KDM2B: variants seen among roughly 807,000 people sequenced by gnomAD.
The protein encoded by KDM2B is lysine demethylase 2B, also known as lysine-specific demethylase 2B.
Under a neutral mutation model 150.0 loss-of-function variants are expected in KDM2B, and 26 were observed. That is an observed-to-expected ratio of 0.17 (90% CI 0.13 to 0.24). The LOEUF (loss-of-function observed/expected upper bound fraction) is 0.24, where lower values mean the gene tolerates loss of function less well. Among genes scored for constraint, KDM2B ranks in the 10% least tolerant of loss-of-function variants. The pLI is 1.00. For synonymous variants in KDM2B, 734 were observed against 729.5 expected (o/e 1.01, Z -0.10); for missense variants, 1,265 against 1,816.9 (o/e 0.70, Z 5.52).
chr12:121,530,782 T>C (rs1887603048), intron 8 of KDM2B, among the ~76,000 whole-genome samples: 1 of 151,958 alleles, frequency 6.6e-6, no homozygotes. Flanking sequence ...CTTGCTTAAG[T>C]CACCAACATC....
chr12:121,545,939 C>T (rs543625621), intron 6 of KDM2B, among the ~76,000 whole-genome samples: 1 of 152,136 alleles, frequency 6.6e-6, no homozygotes, highest in East Asian at 1.9e-4. Flanking sequence ...GGAAAGCCCT[C>T]CCAGTCTTCT....
At chr12:121,459,153 G>A (rs1200737734) in intron 12 of KDM2B, among the ~76,000 whole-genome samples, 2 of 151,288 alleles carry the variant, frequency 1.3e-5, no homozygotes, top group African/African-American at 2.4e-5. Flanking sequence ...AATAAACAAG[G>A]CTGTGATGGT....
At position 121,468,905 on chromosome 12, in the gene KDM2B, T is replaced by C. The variant is rs1192357578; in HGVS notation, c.1735-15561A>G. On this transcript the variant is annotated intron_variant, in intron 12 of 22. Coordinates refer to ENST00000377071, the MANE Select transcript of KDM2B (RefSeq NM_032590.5). This position sits in a 1 kb window ranked among gnomAD's most constrained non-coding sequence, Gnocchi z 4.0. ...ATCTGTTCTGAGTTTCCTTCCTTAC[T>C]CTCCTTTTTTTGAGACAGACTCTCA... is the stretch of plus-strand genomic sequence containing the variant. 1 of 105,308 alleles carries C rather than the reference T, an allele frequency of 9.5e-6. No individual in the cohort carries two copies. The highest frequency in any genetic ancestry group is 4.0e-5 in the African/African-American group (1 of 25,166). 6.5% of individuals were successfully genotyped at this position (105,308 alleles called of 1,614,324 possible).
At chr12:121,416,918 A>T in the KDM2B span, among the ~76,000 whole-genome samples, 4 of 152,206 alleles carry the variant, frequency 2.6e-5, no homozygotes, top group African/African-American at 9.6e-5. Context: ...TTAAGGAAAA[A>T]AAATGTTAGC....
intron 12 of KDM2B, among the ~76,000 whole-genome samples, chr12:121,461,269 G>C (rs1879081493): frequency 6.6e-6 from 1 of 152,186 alleles, no homozygotes; most frequent in Non-Finnish European, 1.5e-5. Context: ...ACTGCAAATA[G>C]CTCGACACAG....
intron 8 of KDM2B, among the ~76,000 whole-genome samples, chr12:121,525,388 T>C (rs528808244): frequency 1.4e-3 from 207 of 152,140 alleles, no homozygotes; most frequent in African/African-American, 4.7e-3. Context: ...TGCCTCAGCC[T>C]CCTGAGTAGC....
intron 12 of KDM2B, among the ~76,000 whole-genome samples, chr12:121,457,948 C>A (rs782012878): frequency 7.2e-5 from 11 of 152,134 alleles, no homozygotes; most frequent in Non-Finnish European, 1.3e-4. Context: ...TCCCTCAGCT[C>A]TAAATTATAG....
At chr12:121,432,897 A>C (rs1249529997) in intron 22 of KDM2B, among the ~76,000 whole-genome samples, 1 of 152,132 alleles carries the variant, frequency 6.6e-6, no homozygotes, top group Non-Finnish European at 1.5e-5. Flanking sequence ...CTCCCTTGAC[A>C]CCTTCAAGCA....
In KDM2B at chr12:121,549,708, C is replaced by T; in HGVS notation, c.398-70G>A. 1 of 1,414,084 alleles carries T rather than the reference C, an allele frequency of 7.1e-7. No homozygotes were observed. Among genetic ancestry groups the T allele is most frequent in the Non-Finnish European group, 9.6e-7 (1 of 1,045,640 alleles). The allele number at this position is 1,414,084 out of a possible 1,614,324, so 87.6% of individuals were successfully genotyped here. On this transcript the variant is annotated intron_variant, in intron 4 of 22. Coordinates refer to ENST00000377071, the MANE Select transcript of KDM2B (RefSeq NM_032590.5). This position sits in a 1 kb window ranked among gnomAD's most constrained non-coding sequence, Gnocchi z 4.4. Reference sequence around the variant, plus strand: ...CTCCAGATCCTACATGGGAGCCCCTCACTAAACAAAAGCTGCTCCTCCACG... The same window carrying T: ...CTCCAGATCCTACATGGGAGCCCCTTACTAAACAAAAGCTGCTCCTCCACG...
intron 13 of KDM2B, among the ~76,000 whole-genome samples, chr12:121,447,953 G>A (rs528940251): frequency 3.4e-4 from 52 of 151,738 alleles, no homozygotes; most frequent in African/African-American, 8.5e-4. Flanking sequence ...CACCGCGCCC[G>A]GCCAAAATAT....
At chr12:121,569,147 C>A (rs1332407449) in intron 4 of KDM2B, among the ~76,000 whole-genome samples, 10 of 152,238 alleles carry the variant, frequency 6.6e-5, no homozygotes, top group Admixed American at 2.0e-4. Flanking sequence ...CAGACTCTCA[C>A]GTCTGTTAGG....
In KDM2B at chr12:121,442,468, G is replaced by A. The variant is rs782338845; in HGVS notation, c.2973C>T (p.Cys991=). 5.0e-6 allele frequency: 8 copies of A among 1,599,612 alleles called. No homozygotes were observed. The highest frequency in any genetic ancestry group is 1.1e-5 in the South Asian group (1 of 91,056). ...GEEPKRPPGI[C]ERPHRFSKGL... is the part of the protein sequence containing the mutation. The stretch of plus-strand genomic sequence containing the variant: ...CCTTGCTGAAGCGGTGGGGACGCTC[G>A]CAGATGCCCGGGGGCCGCTTGGGCT... The change falls in exon 19 of 23, where the codon TGC becomes TGT. Residue 991 remains cysteine, a synonymous_variant. Coordinates refer to ENST00000377071, the MANE Select transcript of KDM2B (RefSeq NM_032590.5). This position sits in a 1 kb window ranked among gnomAD's most constrained non-coding sequence, Gnocchi z 7.7.
intron 4 of KDM2B, among the ~76,000 whole-genome samples, chr12:121,559,899 A>G (rs1259688788): frequency 1.3e-5 from 2 of 150,202 alleles, no homozygotes; most frequent in Non-Finnish European, 3.0e-5. Context: ...GCAAAACTCC[A>G]TCTCAAAAAA....
chr12:121,580,309 G>C, intron 1 of KDM2B: 10 of 1,068,406 alleles, frequency 9.4e-6, no homozygotes, highest in Non-Finnish European at 1.1e-5. Context: ...GTTGCCGATC[G>C]CGCTCGGAGC....
At chr12:121,423,683 C>A in the KDM2B span, 1 of 974,980 alleles carries the variant, frequency 1.0e-6, no homozygotes, top group Non-Finnish European at 1.5e-6. The surrounding 1 kb of genome is among the most constrained non-coding windows in gnomAD (Gnocchi z 4.3). Context: ...TATTTTAAAA[C>A]ATTATTTTGA....
At chr12:121,410,657 A>G in the KDM2B span, among the ~76,000 whole-genome samples, 1 of 152,050 alleles carries the variant, frequency 6.6e-6, no homozygotes, top group Non-Finnish European at 1.5e-5. Flanking sequence ...AGTGTTGCAA[A>G]TGCTCCTCTC....
At chr12:121,488,912 C>G (rs1593923488) in intron 12 of KDM2B, among the ~76,000 whole-genome samples, 1 of 152,198 alleles carries the variant, frequency 6.6e-6, no homozygotes, top group Non-Finnish European at 1.5e-5. Context: ...TCAAGCAATT[C>G]TCCTTCCTGC....
At chr12:121,438,080 C>G (rs1350651107) in intron 22 of KDM2B, among the ~76,000 whole-genome samples, 1 of 151,800 alleles carries the variant, frequency 6.6e-6, no homozygotes, top group African/African-American at 2.4e-5. Context: ...ATGGTGAAAC[C>G]TCATCTCTAC....
At chr12:121,503,962 G>A (rs74562511) in intron 11 of KDM2B, among the ~76,000 whole-genome samples, 8,061 of 152,330 alleles carry the variant, frequency 0.053, 292 homozygotes, top group Middle Eastern at 0.099. Context: ...GCCACACAGC[G>A]AGTAGCTAAG....
Sources: gnomAD v4.1 joint callset for allele counts (sites outside exome capture counted in the v4.1 genomes callset) on GRCh38, gnomAD v4.1.1 for gene constraint, Gnocchi (gnomAD v3.1) non-coding constraint, MANE v1.5 for transcripts, NCBI Gene and HGNC (gene_info 2026-07-23, HGNC 2026-07-21) for gene names.